Variants in FAT1 observed in about 807,000 individuals in gnomAD.
FAT1 encodes the protein FAT atypical cadherin 1, also known as protocadherin Fat 1.
FAT1 carries 171 observed loss-of-function variants against 329.8 expected under a neutral mutation model. The ratio of observed to expected loss-of-function variants is 0.52; its 90% CI spans 0.46 to 0.59. The LOEUF (loss-of-function observed/expected upper bound fraction) is 0.59. Ranked by LOEUF, FAT1 falls within the 20% of genes least tolerant of loss-of-function variation. FAT1 has a pLI of 0.00. For synonymous variants in FAT1, 2,233 were observed against 2,228.6 expected (o/e 1.00, Z -0.06); for missense variants, 5,672 against 5,774.4 (o/e 0.98, Z 0.57).
intron 1 of FAT1, among the ~76,000 whole-genome samples, chr4:186,719,931 T>C (rs1233601666): frequency 6.6e-6 from 1 of 152,242 alleles, no homozygotes; most frequent in African/African-American, 2.4e-5. Flanking sequence ...CTTTGTGATA[T>C]TATTCTTTAG....
Position 186,618,646 on chromosome 4 carries a change from T to G in FAT1, c.7940A>C (p.Glu2647Ala). 6.2e-7 allele frequency: 1 copy of G among 1,614,056 alleles called. No individual in the cohort carries two copies. Among genetic ancestry groups the G allele is most frequent in the African/African-American group, 1.3e-5 (1 of 75,066 alleles). ...ADSESVKENLEINKLSGVITT... is the reference protein window; with the variant it reads ...ADSESVKENLAINKLSGVITT... Reference sequence around the variant, plus strand: ...GATTACGCCGGACAGTTTGTTAATTTCCAAATTCTCTTTTACACTTTCAGA... The same window carrying G: ...GATTACGCCGGACAGTTTGTTAATTGCCAAATTCTCTTTTACACTTTCAGA... The change falls in exon 10 of 27, where the codon GAA (glutamate) becomes GCA (alanine). Residue 2647 changes from glutamate (E) to alanine (A), a missense_variant. Transcript: ENST00000441802.
At chr4:186,597,222 T>C (rs2126396725) in intron 24 of FAT1, 51 bp from the exon 25 acceptor site, 1 of 1,494,840 alleles carries the variant, frequency 6.7e-7, no homozygotes, top group East Asian at 2.4e-5. Context: ...TACGCCAGCG[T>C]ATGTCAGGCT....
At position 186,628,305 on chromosome 4, in the gene FAT1, G is replaced by A. The variant is rs769446580; in HGVS notation, c.4659C>T (p.Ser1553=). 4.3e-6 allele frequency: 7 copies of A among 1,613,366 alleles called. No individual in the cohort carries two copies. The highest frequency in any genetic ancestry group is 1.7e-5 in the Admixed American group (1 of 59,920). Residue 1553 remains serine, a synonymous_variant, in exon 9 of 27, where the codon AGC becomes AGT. Transcript: ENST00000441802. Reference sequence around the variant, plus strand: ...ACCACGGGGCGTGGTCATTCGTGTCGCTGACATTGACCACAATCCTTGCAA... The same window carrying A: ...ACCACGGGGCGTGGTCATTCGTGTCACTGACATTGACCACAATCCTTGCAA... ...RNFARIVVNV[S]DTNDHAPWFT... is the part of the protein sequence containing the mutation.
chr4:186,607,820 G>A (rs1739222085), intron 16 of FAT1, among the ~76,000 whole-genome samples: 1 of 152,024 alleles, frequency 6.6e-6, no homozygotes. Flanking sequence ...GTGGGTGGGT[G>A]GATGTTCAGC....
Position 186,628,622 on chromosome 4 carries a change from G to A in FAT1, c.4465C>T (p.Leu1489=), listed in dbSNP as rs1740441224. ...SAVDQDEKNK[L]IYTLQSSRDP... ...CTACTGCTCTGCAGAGTGTAGATTAGTTTGTTTTTCTCATCCTGATCCACA... is the reference window on the plus strand; with the variant it reads ...CTACTGCTCTGCAGAGTGTAGATTAATTTGTTTTTCTCATCCTGATCCACA... Residue 1489 remains leucine, a synonymous_variant, in exon 8 of 27, where the codon CTA becomes TTA. Coordinates refer to ENST00000441802, the MANE Select transcript of FAT1 (RefSeq NM_005245.4). 6.2e-7 allele frequency: 1 copy of A among 1,613,234 alleles called. No individual in the cohort carries two copies. The highest frequency in any genetic ancestry group is 1.1e-5 in the South Asian group (1 of 91,056).
At chr4:186,616,440 A>G (rs562345909) in intron 11 of FAT1, among the ~76,000 whole-genome samples, 1 of 151,976 alleles carries the variant, frequency 6.6e-6, no homozygotes, top group Non-Finnish European at 1.5e-5. Context: ...CCCGAAGCTG[A>G]GCCAGCCCTT....
Position 186,588,777 on chromosome 4 carries a change from C to T in FAT1, c.13582G>A (p.Glu4528Lys), listed in dbSNP as rs192609167. The T allele has an allele frequency of 5.5e-3, 8,813 of 1,613,982 alleles. 41 individuals carry two copies. The highest frequency in any genetic ancestry group is 6.1e-3 in the Non-Finnish European group (7,238 of 1,179,890). ...GGCATGCTCTCGACAGCGGGCGCCT[C>T]GAAGTGTCTTTGATACCCTGGCGGG... is the stretch of plus-strand genomic sequence containing the variant. ...PYPPGYQRHF[E>K]APAVESMPMS... The change falls in exon 27 of 27, where the codon GAG (glutamate) becomes AAG (lysine). Residue 4528 changes from glutamate (E) to lysine (K), a missense_variant. By Grantham distance (56) the Glu-to-Lys change is moderately conservative. Coordinates refer to ENST00000441802, the MANE Select transcript of FAT1 (RefSeq NM_005245.4).
At position 186,588,636 on chromosome 4, in the gene FAT1, C is replaced by CCG; in HGVS notation, c.13722_13723insCG (p.Val4575ArgfsTer2). 6.2e-7 allele frequency: 1 copy of CCG among 1,613,774 alleles called. No homozygotes were observed. Among genetic ancestry groups the CCG allele is most frequent in the South Asian group, 1.1e-5 (1 of 91,054 alleles). ...TGGGAATCCAGGGGCGGGATCGTCA[C>CCG]CTCTTCGAAGTGGCCGTCGTCCCCG... On this transcript the variant is annotated frameshift_variant, in exon 27 of 27. Coordinates refer to ENST00000441802, the MANE Select transcript of FAT1 (RefSeq NM_005245.4). LOFTEE classifies it high-confidence loss of function.
intron 12 of FAT1, among the ~76,000 whole-genome samples, chr4:186,613,580 C>T (rs546826976): frequency 6.6e-6 from 1 of 152,290 alleles, no homozygotes; most frequent in East Asian, 1.9e-4. Context: ...GGCCTCTCAC[C>T]TTGTGTATAA....
chr4:186,647,664 G>A (rs1264969079), intron 3 of FAT1, among the ~76,000 whole-genome samples: 2 of 152,108 alleles, frequency 1.3e-5, no homozygotes, highest in Admixed American at 6.6e-5. Flanking sequence ...ACCCTTGACT[G>A]CAGGCACGCA....
rs770523514 is a variant in FAT1, at chr4:186,709,790, A to C, written c.38T>G (p.Leu13Arg). 2.6e-5 allele frequency: 42 copies of C among 1,610,094 alleles called. No individual in the cohort carries two copies. Among genetic ancestry groups the C allele is most frequent in the Non-Finnish European group, 3.4e-5 (40 of 1,177,810 alleles). ...ACTGTCTCCAAAATGTTGGAAGAGAAGGAGCAGAAGCAGGAGCAAAGCCAA... is the reference window on the plus strand; with the variant it reads ...ACTGTCTCCAAAATGTTGGAAGAGACGGAGCAGAAGCAGGAGCAAAGCCAA... Reference protein sequence around the residue: ...RHLALLLLLLLLFQHFGDSDG... With the variant: ...RHLALLLLLLRLFQHFGDSDG... The change falls in exon 2 of 27, where the codon CTT becomes CGT. Residue 13 changes from leucine (L) to arginine (R), a missense_variant. Physicochemically the swap from Leu to Arg is moderately radical, Grantham distance 102. Coordinates refer to ENST00000441802, the MANE Select transcript of FAT1 (RefSeq NM_005245.4).
intron 4 of FAT1, among the ~76,000 whole-genome samples, chr4:186,637,683 C>T (rs758448020): frequency 6.6e-6 from 1 of 152,152 alleles, no homozygotes; most frequent in African/African-American, 2.4e-5. Context: ...ATCAAATGTT[C>T]ACGTTTACGT....
intron 3 of FAT1, among the ~76,000 whole-genome samples, chr4:186,662,811 A>G (rs1188411952): frequency 2.0e-5 from 3 of 152,092 alleles, no homozygotes; most frequent in Non-Finnish European, 4.4e-5. Context: ...ATAAAAGCAA[A>G]CTCAAAGTTT....
intron 7 of FAT1, 24 bp from the exon 8 acceptor site, chr4:186,628,787 CAT>C: frequency 6.3e-7 from 1 of 1,597,100 alleles, no homozygotes. Flanking sequence ...CAAAATGACT[CAT>C]ACAATATTTC....
chr4:186,666,358 A>C (rs1032746527), intron 2 of FAT1, among the ~76,000 whole-genome samples: 1 of 152,214 alleles, frequency 6.6e-6, no homozygotes, highest in Non-Finnish European at 1.5e-5. Context: ...GCAAAATTAT[A>C]TCTGTCTGTA....
Position 186,618,967 on chromosome 4 carries a change from A to C in FAT1, c.7619T>G (p.Phe2540Cys). 1 of 1,613,952 alleles carries C rather than the reference A, an allele frequency of 6.2e-7. No homozygotes were observed. Among genetic ancestry groups the C allele is most frequent in the South Asian group, 1.1e-5 (1 of 91,080 alleles). The change falls in exon 10 of 27, where the codon TTT becomes TGT. Residue 2540 changes from phenylalanine (F) to cysteine (C), a missense_variant. Phe to Cys is a radical substitution (Grantham distance 205). Coordinates refer to ENST00000441802, the MANE Select transcript of FAT1 (RefSeq NM_005245.4). The stretch of plus-strand genomic sequence containing the variant: ...TATCTGTCCTCTCTCATTTATGTAA[A>C]ATCTGTCTTTGGCAAAGTCATTTAC... ...HIVNDFAKDR[F>C]YINERGQIFT...
Position 186,611,768 on chromosome 4 carries a change from A to G in FAT1, c.9471T>C (p.Asn3157=). ...VQATDADAGL[N]RKILYSLIDS... ...CAATCAGTGAGTATAAAATCTTCCG[A>G]TTTAATCCTATGAAGACATAAAAAC... Residue 3157 remains asparagine, a synonymous_variant, in exon 14 of 27, where the codon AAT becomes AAC. Coordinates refer to ENST00000441802, the MANE Select transcript of FAT1 (RefSeq NM_005245.4). 6.4e-7 allele frequency: 1 copy of G among 1,562,294 alleles called. No homozygotes were observed. Among genetic ancestry groups the G allele is most frequent in the Non-Finnish European group, 8.7e-7 (1 of 1,153,600 alleles).
chr4:186,621,583 G>T lies in FAT1; in HGVS notation c.5003C>A (p.Thr1668Lys), dbSNP rs768927303. The T allele has an allele frequency of 1.2e-6, 2 of 1,613,970 alleles. No individual in the cohort carries two copies. Among genetic ancestry groups the T allele is most frequent in the Admixed American group, 3.3e-5 (2 of 60,028 alleles). The change falls in exon 10 of 27, where the codon ACA becomes AAA. Residue 1668 changes from threonine to lysine, a missense_variant. By Grantham distance (78) the Thr-to-Lys change is moderately conservative. Transcript: ENST00000441802. ...TIADNASPKFTSKEYSVELSE... is the reference protein window; with the variant it reads ...TIADNASPKFKSKEYSVELSE... Reference sequence around the variant, plus strand: ...AAGTTCAACAGAATATTCTTTTGATGTAAACTTCGGAGAGGCGTTGTCAGC... The same window carrying T: ...AAGTTCAACAGAATATTCTTTTGATTTAAACTTCGGAGAGGCGTTGTCAGC...
intron 21 of FAT1, 149 bp from the exon 22 acceptor site, chr4:186,600,509 A>G: frequency 1.5e-6 from 1 of 648,598 alleles, no homozygotes; most frequent in Non-Finnish European, 2.7e-6. Context: ...TCATTTGTCC[A>G]CTGTATAAAT....
Sources: gnomAD v4.1 joint callset for allele counts (sites outside exome capture counted in the v4.1 genomes callset) on GRCh38, gnomAD v4.1.1 for gene constraint, MANE v1.5 for transcripts, NCBI Gene and HGNC (gene_info 2026-07-23, HGNC 2026-07-21) for gene names.